The following PCNX1 variants were observed in gnomAD, a reference collection of about 807,000 sequenced individuals.
The protein encoded by PCNX1 is pecanex 1, also known as pecanex-like protein 1.
A neutral mutation model predicts 242.2 loss-of-function variants in PCNX1; 78 were observed. The observed-to-expected ratio is 0.32, with a 90% CI of 0.27 to 0.39. The LOEUF is 0.39. Ranked by LOEUF, PCNX1 falls within the 10% of genes least tolerant of loss-of-function variation. PCNX1 has a pLI of 1.00. For missense variants in PCNX1, 2,581 were observed against 2,856.5 expected (o/e 0.90, Z 2.20); for synonymous variants, 1,024 against 1,032.9 (o/e 0.99, Z 0.17).
chr14:70,961,552 T>G (rs974328239), intron 2 of PCNX1, among the ~76,000 whole-genome samples: 4 of 152,228 alleles, frequency 2.6e-5, no homozygotes, highest in African/African-American at 9.6e-5. Context: ...GCTTCTCCAG[T>G]GCTTTGAACC....
Position 70,907,619 on chromosome 14 carries a change from G to T in PCNX1, c.-232G>T. On this transcript the variant is annotated 5_prime_UTR_variant, in exon 1 of 36. Coordinates refer to ENST00000304743, the MANE Select transcript of PCNX1 (RefSeq NM_014982.3). ...GAAGGCCGGTCTCCTCCTCTCCGCCGTCCTCCGCCCCGCCGCTCGCCGCCT... is the reference window on the plus strand; with the variant it reads ...GAAGGCCGGTCTCCTCCTCTCCGCCTTCCTCCGCCCCGCCGCTCGCCGCCT... 6.9e-6 allele frequency: 2 copies of T among 289,832 alleles called. No individual in the cohort carries two copies. The highest frequency in any genetic ancestry group is 8.0e-5 in the East Asian group (1 of 12,538). The allele number at this position is 289,832 out of a possible 1,614,324, so 18.0% of individuals were successfully genotyped here. A position where few individuals can be genotyped will look rare whatever the true frequency, so the allele number is the denominator to read the frequency against.
intron 5 of PCNX1, among the ~76,000 whole-genome samples, chr14:70,969,446 A>G (rs997377527): frequency 1.3e-5 from 2 of 152,140 alleles, no homozygotes; most frequent in Non-Finnish European, 2.9e-5. Flanking sequence ...TAGTATGTAA[A>G]ACTGTTACTT....
chr14:71,049,064 C>T, intron 22 of PCNX1: 1 of 943,396 alleles, frequency 1.1e-6, no homozygotes, highest in Non-Finnish European at 1.3e-6. Context: ...TGTGGTTTCC[C>T]ACAAACTCAA....
At chr14:71,107,145 A>T (rs557923070) in intron 33 of PCNX1, among the ~76,000 whole-genome samples, 1 of 152,138 alleles carries the variant, frequency 6.6e-6, no homozygotes, top group Non-Finnish European at 1.5e-5. Flanking sequence ...TGATCCAGCC[A>T]TATGAAGAAG....
intron 1 of PCNX1, among the ~76,000 whole-genome samples, chr14:70,940,784 C>T (rs914441603): frequency 2.0e-5 from 3 of 152,172 alleles, no homozygotes; most frequent in Non-Finnish European, 2.9e-5. Flanking sequence ...TAGATTTGGT[C>T]TTTTCACATA....
chr14:71,031,676 C>A, intron 16 of PCNX1: 2 of 736,692 alleles, frequency 2.7e-6, no homozygotes, highest in South Asian at 1.4e-5. Flanking sequence ...AGGTCCTGCT[C>A]ACGTCTGTAC....
At chr14:70,914,311 A>C (rs2056058255) in intron 1 of PCNX1, among the ~76,000 whole-genome samples, 1 of 143,860 alleles carries the variant, frequency 7.0e-6, no homozygotes, top group African/African-American at 2.6e-5. Context: ...AAACCTGCAC[A>C]TGTACCTTGC....
rs140877017 is a variant in PCNX1 at position 71,028,618 on chromosome 14, T to C, written c.3467-82T>C. 405 of 771,676 alleles carry C rather than the reference T, an allele frequency of 5.2e-4. No homozygotes were observed. The African/African-American group carries it at 6.7e-3, about 13-fold the overall frequency. The allele number at this position is 771,676 out of a possible 1,614,324, so 47.8% of individuals were successfully genotyped here. A position where few individuals can be genotyped will look rare whatever the true frequency, so the allele number is the denominator to read the frequency against. On this transcript the variant is annotated intron_variant, in intron 15 of 35. Coordinates refer to ENST00000304743, the MANE Select transcript of PCNX1 (RefSeq NM_014982.3). Reference sequence around the variant, plus strand: ...TTTAATGATAGTTGACATTATAATATTTTAAATGCTTTTCAGTGACCTTTT... The same window carrying C: ...TTTAATGATAGTTGACATTATAATACTTTAAATGCTTTTCAGTGACCTTTT...
intron 5 of PCNX1, among the ~76,000 whole-genome samples, chr14:70,970,320 A>C (rs1013541210): frequency 6.6e-6 from 1 of 151,226 alleles, no homozygotes. Context: ...AAGTTGTGGT[A>C]GTGCCACCGC....
chr14:70,993,328 C>T (rs1051765656), intron 7 of PCNX1, among the ~76,000 whole-genome samples: 10 of 151,652 alleles, frequency 6.6e-5, no homozygotes, highest in South Asian at 4.2e-4. Context: ...GGGGTTTCAC[C>T]GTGTTAAGCC....
intron 8 of PCNX1, among the ~76,000 whole-genome samples, chr14:71,008,825 T>C (rs2059741972): frequency 6.6e-6 from 1 of 152,164 alleles, no homozygotes; most frequent in South Asian, 2.1e-4. Context: ...AATTAATTTA[T>C]GCTCCCTTTT....
intron 26 of PCNX1, 60 bp from the exon 27 acceptor site, chr14:71,073,485 C>G: frequency 3.4e-6 from 5 of 1,468,146 alleles, no homozygotes; most frequent in South Asian, 1.3e-5. Flanking sequence ...TGTGTCCTTG[C>G]ATTCATTTTT....
chr14:71,041,002 C>G (rs950293801), intron 19 of PCNX1, among the ~76,000 whole-genome samples: 2 of 152,092 alleles, frequency 1.3e-5, no homozygotes, highest in African/African-American at 4.8e-5. Context: ...ATGACAAAAT[C>G]TCATTCTTTT....
At chr14:71,039,246 A>G (rs1470877211) in intron 19 of PCNX1, among the ~76,000 whole-genome samples, 1 of 152,114 alleles carries the variant, frequency 6.6e-6, no homozygotes, top group Non-Finnish European at 1.5e-5. Context: ...TAAAAAAACA[A>G]AAAAAACCAA....
intron 8 of PCNX1, among the ~76,000 whole-genome samples, chr14:71,000,517 T>A (rs954895959): frequency 2.0e-5 from 3 of 150,340 alleles, no homozygotes; most frequent in Non-Finnish European, 4.4e-5. Flanking sequence ...TGTTATTAGC[T>A]GTCCCTTGAT....
rs2059767411 is a variant in PCNX1, at chr14:71,009,685, T to C, written c.2681T>C (p.Val894Ala). 13 of 1,604,210 alleles carry C rather than the reference T, an allele frequency of 8.1e-6. No homozygotes were observed. The highest frequency in any genetic ancestry group is 1.0e-5 in the Non-Finnish European group (12 of 1,172,954). Reference protein sequence around the residue: ...YETGGCDMSLVNFEPAARRAS... With the variant: ...YETGGCDMSLANFEPAARRAS... ...ACTGGTGGCTGTGATATGTCACTTG[T>C]GAATTTTGAACCAGCAGCAAGAAGA... The change falls in exon 9 of 36, where the codon GTG (valine) becomes GCG (alanine). Residue 894 changes from valine (V) to alanine (A), a missense_variant. Around this residue, in one of 9 missense-constraint regions of PCNX1, gnomAD observed 1,204 missense variants for 1,216.7 expected, o/e 0.99. Transcript: ENST00000304743.
intron 1 of PCNX1, among the ~76,000 whole-genome samples, chr14:70,928,428 G>A (rs1021997407): frequency 2.0e-5 from 3 of 152,174 alleles, no homozygotes; most frequent in Non-Finnish European, 2.9e-5. Flanking sequence ...AGCTATTTAA[G>A]TTGGACTTGC....
chr14:70,969,437 A>G (rs2058475079), intron 5 of PCNX1, among the ~76,000 whole-genome samples: 1 of 152,200 alleles, frequency 6.6e-6, no homozygotes, highest in Non-Finnish European at 1.5e-5. Flanking sequence ...GGGATAACCT[A>G]GTATGTAAAA....
At chr14:71,011,319 G>T (rs1240052727) in intron 9 of PCNX1, among the ~76,000 whole-genome samples, 173 bp from the exon 10 acceptor site, 1 of 152,116 alleles carries the variant, frequency 6.6e-6, no homozygotes, top group Non-Finnish European at 1.5e-5. Flanking sequence ...GAAGAGATTT[G>T]AATGTAGTCA....
Sources: allele counts gnomAD v4.1 joint callset (sites outside exome capture counted in the v4.1 genomes callset), GRCh38; gene constraint gnomAD v4.1.1; regional missense constraint gnomAD v4.1.1; transcripts MANE v1.5; gene names NCBI Gene and HGNC (gene_info 2026-07-23, HGNC 2026-07-21).